Variants in ACACA observed in about 807,000 individuals in gnomAD.
The protein encoded by ACACA is acetyl-CoA carboxylase 1.
A neutral mutation model predicts 296.1 loss-of-function variants in ACACA; 103 were observed. The ratio of observed to expected loss-of-function variants is 0.35; its 90% CI spans 0.30 to 0.41. The LOEUF (loss-of-function observed/expected upper bound fraction) is 0.41. Ranked by LOEUF, ACACA falls within the 10% of genes least tolerant of loss-of-function variation. The pLI, the probability that ACACA is intolerant of heterozygous loss-of-function variation, is 1.00. For synonymous variants in ACACA, 953 were observed against 1,038.6 expected, an observed-to-expected ratio of 0.92 and a Z score of 1.58; for missense variants, 1,554 against 2,989.7, an observed-to-expected ratio of 0.52 and a Z score of 11.20.
chr17:37,143,207 C>CT (rs36093883), intron 45 of ACACA, among the ~76,000 whole-genome samples: 43,631 of 142,070 alleles, frequency 0.31, 8,505 homozygotes, highest in African/African-American at 0.56. Context: ...CTCATAACAT[C>CT]TTTTTTTTTT....
chr17:37,213,882 T>C (rs997875645), intron 29 of ACACA, among the ~76,000 whole-genome samples: 9 of 147,168 alleles, frequency 6.1e-5, no homozygotes, highest in Admixed American at 5.3e-4. Context: ...TCTGTGAGCC[T>C]TTTTACCATC....
At chr17:37,185,788 C>T (rs1186941543) in intron 39 of ACACA, among the ~76,000 whole-genome samples, 1 of 151,966 alleles carries the variant, frequency 6.6e-6, no homozygotes, top group East Asian at 1.9e-4. Context: ...AGGCTGGTCT[C>T]GAACTCCTGA....
intron 1 of ACACA, among the ~76,000 whole-genome samples, chr17:37,355,712 G>A (rs2049108982): frequency 6.6e-6 from 1 of 151,642 alleles, no homozygotes; most frequent in Non-Finnish European, 1.5e-5. Flanking sequence ...AAAAAAATTA[G>A]CCAGGCGTGG....
intron 5 of ACACA, among the ~76,000 whole-genome samples, chr17:37,282,950 T>C (rs2082611173): frequency 6.6e-6 from 1 of 152,206 alleles, no homozygotes; most frequent in Non-Finnish European, 1.5e-5. Context: ...TCTTTCCACT[T>C]ACGCATTCCA....
rs987388254 is a variant in ACACA at position 37,379,095 on chromosome 17, C to T, written c.38+27167G>A. 6 of 1,577,752 alleles carry T rather than the reference C, an allele frequency of 3.8e-6. No individual in the cohort carries two copies. The South Asian group carries it at 7.0e-5, about 18-fold the overall frequency. On this transcript the variant is annotated intron_variant, in intron 1 of 55. Coordinates refer to ENST00000616317, the MANE Select transcript of ACACA (RefSeq NM_198834.3). ...TCAAAAAAACCAACCAAACAAAAAA[C>T]AAAACCAGCTCCATTTTTCTATCTG...
intron 20 of ACACA, 52 bp from the exon 21 acceptor site, chr17:37,244,786 C>T: frequency 1.2e-6 from 2 of 1,607,722 alleles, no homozygotes; most frequent in South Asian, 1.1e-5. Flanking sequence ...ATCTAAGGTA[C>T]AAACACACCA....
intron 41 of ACACA, among the ~76,000 whole-genome samples, chr17:37,174,020 A>ATATATATATTT (rs552735515): frequency 7.7e-4 from 13 of 16,782 alleles, no homozygotes; most frequent in African/African-American, 2.8e-3. Flanking sequence ...ATATATATAT[A>ATATATATATTT]TTTTTTTTTT....
In ACACA at chr17:37,200,464, T is replaced by C. The variant is rs200877415; in HGVS notation, c.4076A>G (p.His1359Arg). The change falls in exon 34 of 56, where the codon CAT (histidine) becomes CGT (arginine). Residue 1359 changes from histidine (H) to arginine (R), a missense_variant. Physicochemically the swap from His to Arg is conservative, Grantham distance 29. Transcript: ENST00000616317. ...CAGGAAAGTAAGGCGCCGGATCCCA[T>C]GGTCAACCAGGGTAGCTTTCTAGGA... ...TQQNKATLVD[H>R]GIRRLTFLVA... is the part of the protein sequence containing the mutation. 4.6e-5 allele frequency: 74 copies of C among 1,613,244 alleles called. No individual in the cohort carries two copies. The Admixed American group carries it at 1.0e-3, about 23-fold the overall frequency.
At chr17:37,334,656 C>T (rs1464843430) in intron 2 of ACACA, among the ~76,000 whole-genome samples, 7 of 128,752 alleles carry the variant, frequency 5.4e-5, no homozygotes, top group Admixed American at 4.7e-4. Context: ...TAACTAAAAT[C>T]GTAAATCCCC....
chr17:37,368,064 G>A (rs1203683836), intron 1 of ACACA, among the ~76,000 whole-genome samples: 1 of 151,648 alleles, frequency 6.6e-6, no homozygotes, highest in Middle Eastern at 3.4e-3. Context: ...GTGAGACTCC[G>A]TCTCAAACAA....
At position 37,206,884 on chromosome 17, in the gene ACACA, A is replaced by G. The variant is rs751880021; in HGVS notation, c.3852-5T>C. ...CCCATCACTTCATCAAAGATCCTAA[A>G]AAATACAAGAGAAACACCCACCATG... On this transcript the variant is annotated splice_region_variant and splice_polypyrimidine_tract_variant and intron_variant, in intron 31 of 55. Coordinates refer to ENST00000616317, the MANE Select transcript of ACACA (RefSeq NM_198834.3). The G allele has an allele frequency of 1.9e-6, 3 of 1,608,770 alleles. No individual in the cohort carries two copies. The highest frequency in any genetic ancestry group is 2.7e-5 in the African/African-American group (2 of 74,954).
At chr17:37,264,432 T>G (rs1428210076) in intron 10 of ACACA, among the ~76,000 whole-genome samples, 1 of 152,234 alleles carries the variant, frequency 6.6e-6, no homozygotes, top group Non-Finnish European at 1.5e-5. Context: ...TCTACTGAGA[T>G]GCCAACTGTC....
chr17:37,230,496 G>C (rs189205709), intron 25 of ACACA, among the ~76,000 whole-genome samples: 42 of 152,162 alleles, frequency 2.8e-4, no homozygotes, highest in Admixed American at 1.6e-3. Context: ...TTCTGACTTG[G>C]AAGTTTTCCA....
At position 37,097,834 on chromosome 17, in the gene ACACA, A is replaced by G. The variant is rs2073086820; in HGVS notation, c.6716T>C (p.Ile2239Thr). Residue 2239 changes from isoleucine to threonine, a missense_variant, in exon 53 of 56, where the codon ATT becomes ACT. By Grantham distance (89) the Ile-to-Thr change is moderately conservative (BLOSUM62 -1). This residue lies in a region of ACACA where 553 missense variants were observed against 1,043.6 expected (regional missense o/e 0.53). Coordinates refer to ENST00000616317, the MANE Select transcript of ACACA (RefSeq NM_198834.3). This position sits in a 1 kb window ranked among gnomAD's most constrained non-coding sequence, Gnocchi z 4.8. ...TPGRMQEKGV[I>T]SDILDWKTSR... The stretch of plus-strand genomic sequence containing the variant: ...AGTGGCAACCATTGTACTTACGCTA[A>G]TAACACCCTTCTCCTGCATCCGGCC... 2.5e-6 allele frequency: 4 copies of G among 1,614,172 alleles called. No homozygotes were observed. The highest frequency in any genetic ancestry group is 3.4e-6 in the Non-Finnish European group (4 of 1,180,034).
intron 3 of ACACA, among the ~76,000 whole-genome samples, chr17:37,291,852 C>CA (rs2083084751): frequency 6.6e-6 from 1 of 151,538 alleles, no homozygotes; most frequent in Non-Finnish European, 1.5e-5. Flanking sequence ...TTATAGTTAT[C>CA]AAAAAATTAA....
rs2078567687 is a variant in ACACA at position 37,207,665 on chromosome 17, A to G, written c.3843T>C (p.Asp1281=). 1.2e-6 allele frequency: 2 copies of G among 1,613,960 alleles called. No individual in the cohort carries two copies. Among genetic ancestry groups the G allele is most frequent in the Non-Finnish European group, 1.7e-6 (2 of 1,179,882 alleles). The change falls in exon 31 of 56, where the codon GAT becomes GAC. Residue 1281 remains aspartate (D), a synonymous_variant. Transcript: ENST00000616317. The part of the protein sequence containing the change: ...GGMVSFRTFE[D]FVRIFDEVMG... The stretch of plus-strand genomic sequence containing the variant: ...GTTCCACAATGTCTTACCTGACAAA[A>G]TCTTCAAAAGTCCGAAAAGAGACCA...
At chr17:37,183,978 G>A (rs538207768) in intron 39 of ACACA, among the ~76,000 whole-genome samples, 2 of 149,880 alleles carry the variant, frequency 1.3e-5, no homozygotes, top group South Asian at 2.1e-4. Flanking sequence ...TCAGCCTCCC[G>A]AGTAGCTGGG....
chr17:37,155,694 T>C lies in ACACA; in HGVS notation c.5436A>G (p.Glu1812=). 1 of 1,606,646 alleles carries C rather than the reference T, an allele frequency of 6.2e-7. No homozygotes were observed. Among genetic ancestry groups the C allele is most frequent in the Non-Finnish European group, 8.5e-7 (1 of 1,174,964 alleles). The change falls in exon 43 of 56, where the codon GAA becomes GAG. Residue 1812 remains glutamate, a synonymous_variant. Coordinates refer to ENST00000616317, the MANE Select transcript of ACACA (RefSeq NM_198834.3). ...ACATATATACCTACCTGGATTCTCCTTCATCTTCCACGTGTTCACAATGGA... is the reference window on the plus strand; with the variant it reads ...ACATATATACCTACCTGGATTCTCCCTCATCTTCCACGTGTTCACAATGGA... ...NSVHCEHVED[E]GESRYKITDI...
intron 33 of ACACA, among the ~76,000 whole-genome samples, chr17:37,203,684 T>C (rs1460116509): frequency 6.6e-6 from 1 of 151,796 alleles, no homozygotes; most frequent in Non-Finnish European, 1.5e-5. Context: ...CGGGGGTTGC[T>C]GTGAGCTGAG....
Sources: allele counts gnomAD v4.1 joint callset (sites outside exome capture counted in the v4.1 genomes callset), GRCh38; gene constraint gnomAD v4.1.1; regional missense constraint gnomAD v4.1.1; non-coding constraint Gnocchi (gnomAD v3.1); transcripts MANE v1.5; gene names NCBI Gene and HGNC (gene_info 2026-07-23, HGNC 2026-07-21).